GANC: variants seen among roughly 807,000 people sequenced by gnomAD.
GANC encodes glucosidase alpha, neutral C.
In GANC, 117 loss-of-function variants were observed where a neutral mutation model predicts 124.2. The observed-to-expected ratio is 0.94, with a 90% CI of 0.81 to 1.10. The LOEUF is 1.10. GANC is among the 50% of genes least tolerant of loss of function. GANC has a pLI of 0.00. For synonymous variants in GANC, 377 were observed against 376.8 expected, an observed-to-expected ratio of 1.00 and a Z score of -0.01; for missense variants, 1,140 against 1,095.0, an observed-to-expected ratio of 1.04 and a Z score of -0.58.
At position 42,352,056 on chromosome 15, in the gene GANC, A is replaced by T; in HGVS notation, c.2662A>T (p.Thr888Ser). Residue 888 changes from threonine (T) to serine (S), a missense_variant, in exon 24 of 24, where the codon ACG becomes TCG. By Grantham distance (58) the Thr-to-Ser change is moderately conservative. Transcript: ENST00000318010. Reference sequence around the variant, plus strand: ...TGGTAAAGATCAGCCTGTGGCTTTTACGTATTGTGCCAAAACATCCATCCT... The same window carrying T: ...TGGTAAAGATCAGCCTGTGGCTTTTTCGTATTGTGCCAAAACATCCATCCT... Reference protein sequence around the residue: ...SDGKDQPVAFTYCAKTSILSL... With the variant: ...SDGKDQPVAFSYCAKTSILSL... The T allele has an allele frequency of 6.2e-7, 1 of 1,614,154 alleles. No homozygotes were observed. Among genetic ancestry groups the T allele is most frequent in the African/African-American group, 1.3e-5 (1 of 75,058 alleles).
intron 4 of GANC, among the ~76,000 whole-genome samples, chr15:42,291,301 A>C (rs116764567): frequency 0.01 from 1,575 of 152,308 alleles, 35 homozygotes; most frequent in African/African-American, 0.037. Flanking sequence ...TAGCTTGGGC[A>C]ACTGAGAATG....
rs186486934 is a variant in GANC at position 42,304,863 on chromosome 15, G to A, written c.559-1683G>A. On this transcript the variant is annotated intron_variant, in intron 6 of 23. Coordinates refer to ENST00000318010, the MANE Select transcript of GANC (RefSeq NM_198141.3). ...AACCTGACAAAAGCAATGGGGAAAGGATTTCCTATTTAATAAATGGTGCTG... is the reference window on the plus strand; with the variant it reads ...AACCTGACAAAAGCAATGGGGAAAGAATTTCCTATTTAATAAATGGTGCTG... Among the ~76,000 whole-genome samples the A allele has an allele frequency of 8.1e-4, 123 of 152,248 alleles. 1 individual carries two copies. The highest frequency in any genetic ancestry group is 1.4e-3 in the Admixed American group (21 of 15,290).
chr15:42,328,541 T>C (rs1026997810), intron 13 of GANC, among the ~76,000 whole-genome samples: 1 of 150,682 alleles, frequency 6.6e-6, no homozygotes, highest in Non-Finnish European at 1.5e-5. Context: ...TCCAGGAATT[T>C]GAAAGACTTT....
chr15:42,329,955 A>G (rs1273921074), intron 14 of GANC, among the ~76,000 whole-genome samples: 2 of 152,246 alleles, frequency 1.3e-5, no homozygotes, highest in African/African-American at 4.8e-5. Flanking sequence ...TAAAGGTGGT[A>G]AAATTATCTT....
At chr15:42,294,486 A>G (rs547652725) in intron 5 of GANC, among the ~76,000 whole-genome samples, 61 of 150,128 alleles carry the variant, frequency 4.1e-4, no homozygotes, top group South Asian at 4.0e-3. Context: ...GAGGCAGAAG[A>G]ATCTCTTGAA....
chr15:42,324,651 T>C (rs1483015010), intron 11 of GANC, among the ~76,000 whole-genome samples: 1 of 152,182 alleles, frequency 6.6e-6, no homozygotes, highest in African/African-American at 2.4e-5. Flanking sequence ...TACTACAGCA[T>C]GGATGAACCT....
At position 42,321,857 on chromosome 15, in the gene GANC, A is replaced by T. The variant is rs1346713755; in HGVS notation, c.1130A>T (p.Asp377Val). Residue 377 changes from aspartate (D) to valine (V), a missense_variant, in exon 11 of 24, where the codon GAT becomes GTT. By Grantham distance (152) the Asp-to-Val change is radical (BLOSUM62 -3). Coordinates refer to ENST00000318010, the MANE Select transcript of GANC (RefSeq NM_198141.3). The stretch of plus-strand genomic sequence containing the variant: ...CGCTGGAACTATGAAGATGAGCAGG[A>T]TGTAAAAGCAGTGGATGCAGGGTTT... ...QCRWNYEDEQDVKAVDAGFDE... is the reference protein window; with the variant it reads ...QCRWNYEDEQVVKAVDAGFDE... The T allele has an allele frequency of 1.9e-6, 3 of 1,614,070 alleles. No individual in the cohort carries two copies. The highest frequency in any genetic ancestry group is 2.5e-6 in the Non-Finnish European group (3 of 1,180,034).
At chr15:42,296,512 C>T (rs2051892767) in intron 5 of GANC, among the ~76,000 whole-genome samples, 1 of 152,158 alleles carries the variant, frequency 6.6e-6, no homozygotes, top group Non-Finnish European at 1.5e-5. Context: ...CCTGCCTCAG[C>T]CTCCCAAGTA....
intron 15 of GANC, among the ~76,000 whole-genome samples, chr15:42,334,712 CAATAAT>C (rs1277800139): frequency 1.3e-5 from 2 of 150,120 alleles, no homozygotes; most frequent in South Asian, 2.1e-4. Context: ...TTTTACTACT[CAATAAT>C]AATAAGAAAG....
In GANC at chr15:42,330,617, G is replaced by A; in HGVS notation, c.1686G>A (p.Gly562=). ...TAEGLIKRSK[G]KERPFVLTRS... ...AAGGACTGATAAAACGATCTAAAGG[G>A]AAGGAGAGACCCTTTGTTCTTACAC... Residue 562 remains glycine (G), a synonymous_variant, in exon 15 of 24, where the codon GGG becomes GGA. Transcript: ENST00000318010. 6.2e-7 allele frequency: 1 copy of A among 1,612,220 alleles called. No individual in the cohort carries two copies. Among genetic ancestry groups the A allele is most frequent in the Non-Finnish European group, 8.5e-7 (1 of 1,179,494 alleles).
chr15:42,303,135 C>T (rs544134021), intron 6 of GANC, among the ~76,000 whole-genome samples: 14 of 152,346 alleles, frequency 9.2e-5, no homozygotes, highest in African/African-American at 3.1e-4. Flanking sequence ...AAGGGAAGCC[C>T]ATCAGACTAA....
chr15:42,280,062 G>A (rs2051716601), intron 3 of GANC, among the ~76,000 whole-genome samples: 1 of 152,140 alleles, frequency 6.6e-6, no homozygotes. Context: ...TCAAAATAAT[G>A]AGCTAGAATC....
chr15:42,341,131 T>C (rs114953464), intron 18 of GANC, among the ~76,000 whole-genome samples: 2,495 of 138,644 alleles, frequency 0.018, 91 homozygotes, highest in African/African-American at 0.066. Context: ...TTTTCTAATA[T>C]AAGAGCAATA....
At chr15:42,291,626 G>T (rs1398180062) in intron 4 of GANC, among the ~76,000 whole-genome samples, 1 of 152,118 alleles carries the variant, frequency 6.6e-6, no homozygotes, top group Non-Finnish European at 1.5e-5. Context: ...CCGTTAAAAT[G>T]GTCTCCCTGA....
chr15:42,338,546 T>A (rs933999217), intron 16 of GANC, 56 bp downstream of exon 16: 2 of 1,241,168 alleles, frequency 1.6e-6, no homozygotes, highest in Admixed American at 1.7e-5. Flanking sequence ...GAGGGTGTTT[T>A]CATCAAAGCT....
At position 42,330,559 on chromosome 15, in the gene GANC, C is replaced by T; in HGVS notation, c.1645-17C>T. 1.3e-6 allele frequency: 2 copies of T among 1,593,720 alleles called. No homozygotes were observed. Among genetic ancestry groups the T allele is most frequent in the Non-Finnish European group, 1.7e-6 (2 of 1,162,554 alleles). ...ATCCAATCATCTCTTTGAAATTTTT[C>T]TTGTTTGGTGATATAGCAAATGGCT... On this transcript the variant is annotated splice_polypyrimidine_tract_variant and intron_variant, in intron 14 of 23. Coordinates refer to ENST00000318010, the MANE Select transcript of GANC (RefSeq NM_198141.3).
At chr15:42,330,030 T>C (rs1471178389) in intron 14 of GANC, among the ~76,000 whole-genome samples, 1 of 152,252 alleles carries the variant, frequency 6.6e-6, no homozygotes, top group Non-Finnish European at 1.5e-5. Context: ...CATGGTTCTT[T>C]GTTATTTTCA....
chr15:42,340,701 T>TCATC lies in GANC; in HGVS notation c.2099_2100insCATC (p.Glu701IlefsTer5). 1.2e-6 allele frequency: 2 copies of TCATC among 1,606,766 alleles called. No homozygotes were observed. The highest frequency in any genetic ancestry group is 2.2e-5 in the South Asian group (2 of 89,960). On this transcript the variant is annotated frameshift_variant, in exon 18 of 24. Transcript: ENST00000318010. LOFTEE classifies it high-confidence loss of function. ...TTTTCTTTCCCCAGGCCTCTGTGGG[T>TCATC]AGAGTTCCCTGATGAACTAAAGACT...
rs1188547360 is a variant in GANC, at chr15:42,329,362, A to G, written c.1557A>G (p.Arg519=). ...ACATGAATGAGCCTTCTGTCTTTAG[A>G]GGGCCAGAGCAAACCATGCAGAAGA... ...WNDMNEPSVF[R]GPEQTMQKNA... The change falls in exon 14 of 24, where the codon AGA becomes AGG. Residue 519 remains arginine (R), a synonymous_variant. Coordinates refer to ENST00000318010, the MANE Select transcript of GANC (RefSeq NM_198141.3). The G allele has an allele frequency of 6.2e-7, 1 of 1,614,046 alleles. No individual in the cohort carries two copies. Among genetic ancestry groups the G allele is most frequent in the East Asian group, 2.2e-5 (1 of 44,874 alleles).
Sources: allele counts gnomAD v4.1 joint callset (sites outside exome capture counted in the v4.1 genomes callset), GRCh38; gene constraint gnomAD v4.1.1; transcripts MANE v1.5; gene names NCBI Gene and HGNC (gene_info 2026-07-23, HGNC 2026-07-21).